Variants in XYLT1 observed in about 807,000 individuals in gnomAD.
XYLT1 encodes the protein beta-D-xylosyltransferase 1.
XYLT1 carries 36 observed loss-of-function variants against 91.3 expected under a neutral mutation model. The ratio of observed to expected loss-of-function variants is 0.39; its 90% CI spans 0.30 to 0.52. The LOEUF (loss-of-function observed/expected upper bound fraction) is 0.52. Ranked by LOEUF, XYLT1 falls within the 20% of genes least tolerant of loss-of-function variation. The pLI, the probability that XYLT1 is intolerant of heterozygous loss-of-function variation, is 0.68. For synonymous variants in XYLT1, 588 were observed against 532.0 expected, an observed-to-expected ratio of 1.11 and a Z score of -1.45; for missense variants, 1,242 against 1,284.5, an observed-to-expected ratio of 0.97 and a Z score of 0.51.
chr16:17,322,055 G>A (rs1326387202), intron 2 of XYLT1, among the ~76,000 whole-genome samples: 2 of 152,136 alleles, frequency 1.3e-5, no homozygotes, highest in African/African-American at 4.8e-5. Flanking sequence ...TACTTTCTGA[G>A]CACCAAACAA....
chr16:17,134,636 C>A lies in XYLT1; in HGVS notation c.1864G>T (p.Ala622Ser), dbSNP rs766286573. 1.9e-6 allele frequency: 3 copies of A among 1,614,206 alleles called. No individual in the cohort carries two copies. The highest frequency in any genetic ancestry group is 2.5e-6 in the Non-Finnish European group (3 of 1,180,036). Residue 622 changes from alanine to serine, a missense_variant, in exon 9 of 12, where the codon GCA (alanine) becomes TCA (serine). Coordinates refer to ENST00000261381, the MANE Select transcript of XYLT1 (RefSeq NM_022166.4). ...TAGGAGCGCAGGCCCGGGGTACCTG[C>A]AGGGTAGTTCCCGTACAGGTAATAG... ...LDYYLYGNYPAGTPGLRSYWE... is the reference protein window; with the variant it reads ...LDYYLYGNYPSGTPGLRSYWE...
At chr16:17,429,932 A>ATTTTTTTT (rs34434695) in intron 1 of XYLT1, among the ~76,000 whole-genome samples, 1 of 119,316 alleles carries the variant, frequency 8.4e-6, no homozygotes, top group Non-Finnish European at 1.7e-5. Context: ...TCCCATAATA[A>ATTTTTTTT]TTTTTTTTTT....
intron 2 of XYLT1, among the ~76,000 whole-genome samples, chr16:17,350,149 C>T (rs938559209): frequency 6.6e-6 from 1 of 152,212 alleles, no homozygotes; most frequent in Non-Finnish European, 1.5e-5. Context: ...GGTGGGATTA[C>T]AGGCGTGAGC....
chr16:17,136,562 A>G (rs1441309332), intron 8 of XYLT1, among the ~76,000 whole-genome samples: 1 of 152,182 alleles, frequency 6.6e-6, no homozygotes. Context: ...TGTCTAGCAC[A>G]TAGTGTAGGC....
At chr16:17,128,315 G>T (rs1412914102) in intron 9 of XYLT1, among the ~76,000 whole-genome samples, 1 of 152,194 alleles carries the variant, frequency 6.6e-6, no homozygotes, top group Non-Finnish European at 1.5e-5. Flanking sequence ...TCATTGTATA[G>T]TATTTCCTGA....
rs371501882 is a variant in XYLT1 at position 17,121,980 on chromosome 16, G to GCA, written c.2224-4003_2224-4002dup. ...CCATGGGGTATATATATATATATGCGCACACACACACACACACAATTTATT... is the reference window on the plus strand; with the variant it reads ...CCATGGGGTATATATATATATATGCGCACACACACACACACACACAATTTATT... On this transcript the variant is annotated intron_variant, in intron 10 of 11. Transcript: ENST00000261381. Among the ~76,000 whole-genome samples the GCA allele has an allele frequency of 5.9e-3, 896 of 151,264 alleles. 10 individuals are homozygous for GCA. Among genetic ancestry groups the GCA allele is most frequent in the African/African-American group, 0.02 (814 of 41,168 alleles).
chr16:17,248,436 C>T (rs933981634), intron 3 of XYLT1, among the ~76,000 whole-genome samples: 2 of 152,206 alleles, frequency 1.3e-5, no homozygotes, highest in Non-Finnish European at 2.9e-5. Context: ...GATGCCTCTA[C>T]CTCCATTCTC....
intron 6 of XYLT1, among the ~76,000 whole-genome samples, chr16:17,151,408 ACT>A (rs1296832320): frequency 2.6e-5 from 4 of 151,966 alleles, no homozygotes; most frequent in East Asian, 1.9e-4. Context: ...ATGGAGCGAG[ACT>A]CTGTCTCAAA....
intron 3 of XYLT1, among the ~76,000 whole-genome samples, chr16:17,233,401 G>A (rs374729940): frequency 3.3e-5 from 5 of 152,342 alleles, no homozygotes; most frequent in African/African-American, 1.2e-4. Context: ...CTGGTTTCCC[G>A]CTGCAAGCTA....
At chr16:17,313,287 G>A (rs989788062) in intron 2 of XYLT1, among the ~76,000 whole-genome samples, 5 of 152,194 alleles carry the variant, frequency 3.3e-5, no homozygotes, top group Admixed American at 6.5e-5. Flanking sequence ...TCAGCCCTCC[G>A]CCAACCTCCA....
chr16:17,440,987 G>C (rs1048451334), intron 1 of XYLT1, among the ~76,000 whole-genome samples: 1 of 152,144 alleles, frequency 6.6e-6, no homozygotes, highest in Non-Finnish European at 1.5e-5. Context: ...TCTGATGGCT[G>C]AATGAGATAA....
Position 17,108,769 on chromosome 16 carries a change from T to A in XYLT1, c.2806A>T (p.Thr936Ser), listed in dbSNP as rs1348422483. The change falls in exon 12 of 12, where the codon ACG becomes TCG. Residue 936 changes from threonine (T) to serine (S), a missense_variant. This residue lies in a region of XYLT1 where 511 missense variants were observed against 497.0 expected (regional missense o/e 1.03). Coordinates refer to ENST00000261381, the MANE Select transcript of XYLT1 (RefSeq NM_022166.4). Reference sequence around the variant, plus strand: ...TCAGGGCTGAAGGAGCTCCAGGCCGTCTGGCTGCAGGTCTGCATGACCGGG... The same window carrying A: ...TCAGGGCTGAAGGAGCTCCAGGCCGACTGGCTGCAGGTCTGCATGACCGGG... ...ACPVMQTCSQTAWSSFSPDPK... is the reference protein window; with the variant it reads ...ACPVMQTCSQSAWSSFSPDPK... 2.5e-6 allele frequency: 4 copies of A among 1,608,966 alleles called. No homozygotes were observed. The Admixed American group carries it at 6.7e-5, about 27-fold the overall frequency.
intron 1 of XYLT1, among the ~76,000 whole-genome samples, chr16:17,453,496 G>A (rs998709194): frequency 2.0e-5 from 3 of 152,140 alleles, no homozygotes; most frequent in African/African-American, 7.2e-5. Flanking sequence ...AGCAGCAAAT[G>A]GGAAGTGACT....
intron 5 of XYLT1, among the ~76,000 whole-genome samples, chr16:17,190,941 C>T (rs2141579190): frequency 6.6e-6 from 1 of 152,244 alleles, no homozygotes; most frequent in East Asian, 1.9e-4. Context: ...TCAGTTTATT[C>T]ATCTGAAAAA....
intron 1 of XYLT1, among the ~76,000 whole-genome samples, chr16:17,444,201 G>A (rs1255992182): frequency 2.0e-5 from 3 of 152,176 alleles, no homozygotes; most frequent in Non-Finnish European, 4.4e-5. Context: ...AGCCAAACAA[G>A]TCTCAGCCCA....
chr16:17,192,839 G>A (rs2032350129), intron 5 of XYLT1: 2 of 123,520 alleles, frequency 1.6e-5, no homozygotes, highest in South Asian at 2.6e-4. Context: ...TTTAGACAGC[G>A]TCTCAGTCTG....
In XYLT1 at chr16:17,200,575, G is replaced by A; in HGVS notation, c.993C>T (p.Val331=). The change falls in exon 4 of 12, where the codon GTC becomes GTT. Residue 331 remains valine (V), a synonymous_variant. Coordinates refer to ENST00000261381, the MANE Select transcript of XYLT1 (RefSeq NM_022166.4). The part of the protein sequence containing the change: ...MPANPVRIAF[V]LVVHGRASRQ... ...GAGAGGCACGGCCGTGGACCACCAGGACAAAGGCGATTCTGACCGGGTTGG... is the reference window on the plus strand; with the variant it reads ...GAGAGGCACGGCCGTGGACCACCAGAACAAAGGCGATTCTGACCGGGTTGG... 6.2e-7 allele frequency: 1 copy of A among 1,614,220 alleles called. No individual in the cohort carries two copies. The highest frequency in any genetic ancestry group is 1.1e-5 in the South Asian group (1 of 91,088).
At chr16:17,260,974 C>A (rs1048878026) in intron 2 of XYLT1, among the ~76,000 whole-genome samples, 2 of 152,080 alleles carry the variant, frequency 1.3e-5, no homozygotes, top group Non-Finnish European at 2.9e-5. Flanking sequence ...TGGCTCACAC[C>A]TGTAATCCCA....
intron 2 of XYLT1, among the ~76,000 whole-genome samples, chr16:17,353,201 C>T (rs2035244841): frequency 6.6e-6 from 1 of 152,168 alleles, no homozygotes; most frequent in Non-Finnish European, 1.5e-5. Flanking sequence ...AAACGAAGAC[C>T]TGCTTCCCTC....
Sources: gnomAD v4.1 joint callset for allele counts (sites outside exome capture counted in the v4.1 genomes callset) on GRCh38, gnomAD v4.1.1 for gene constraint, gnomAD v4.1.1 regional missense constraint, MANE v1.5 for transcripts, NCBI Gene and HGNC (gene_info 2026-07-23, HGNC 2026-07-21) for gene names.